The following SERPINI1 variants were observed in gnomAD, a reference collection of about 807,000 sequenced individuals.
SERPINI1 encodes the protein serpin family I member 1, also known as neuroserpin.
Under a neutral mutation model 41.1 loss-of-function variants are expected in SERPINI1, and 19 were observed. That is an observed-to-expected ratio of 0.46 (90% CI 0.32 to 0.68). The LOEUF (loss-of-function observed/expected upper bound fraction) is 0.68, where lower values mean the gene tolerates loss of function less well. Ranked by LOEUF, SERPINI1 falls within the 30% of genes least tolerant of loss-of-function variation. SERPINI1 has a pLI of 0.03. For missense variants in SERPINI1, 460 were observed against 479.2 expected, an observed-to-expected ratio of 0.96 and a Z score of 0.37; for synonymous variants, 138 against 156.6, an observed-to-expected ratio of 0.88 and a Z score of 0.89.
intron 6 of SERPINI1, among the ~76,000 whole-genome samples, chr3:167,821,452 G>C (rs114521789): frequency 1.3e-5 from 2 of 152,190 alleles, no homozygotes; most frequent in Non-Finnish European, 2.9e-5. Flanking sequence ...TCCAGCTGCA[G>C]CCTAGCAGTG....
At chr3:167,744,110 A>C (rs1326915621) in intron 1 of SERPINI1, among the ~76,000 whole-genome samples, 1 of 152,102 alleles carries the variant, frequency 6.6e-6, no homozygotes, top group Non-Finnish European at 1.5e-5. Flanking sequence ...CTGGTTAAGA[A>C]TGTCAGCTCT....
intron 1 of SERPINI1, among the ~76,000 whole-genome samples, chr3:167,777,950 C>T (rs1450458994): frequency 6.6e-6 from 1 of 152,158 alleles, no homozygotes; most frequent in African/African-American, 2.4e-5. Context: ...CCTCCTTTTC[C>T]TCTCCATACT....
Position 167,812,130 on chromosome 3 carries a change from C to T in SERPINI1, c.979+4789C>T, listed in dbSNP as rs148393097. Reference sequence around the variant, plus strand: ...CCACTCTTATTTGAGACTCTCATTACTGCTGTTGTAGACTATTTCAATAGC... The same window carrying T: ...CCACTCTTATTTGAGACTCTCATTATTGCTGTTGTAGACTATTTCAATAGC... On this transcript the variant is annotated intron_variant, in intron 6 of 8. Transcript: ENST00000446050. 1.4e-3 allele frequency among the ~76,000 whole-genome samples: 217 copies of T among 152,294 alleles called. 1 individual carries two copies. The highest frequency in any genetic ancestry group is 5.1e-3 in the African/African-American group (213 of 41,558).
At chr3:167,790,793 G>A (rs1727479944) in intron 3 of SERPINI1, among the ~76,000 whole-genome samples, 191 bp downstream of exon 3, 1 of 152,180 alleles carries the variant, frequency 6.6e-6, no homozygotes, top group African/African-American at 2.4e-5. Context: ...TGAGAAAGAA[G>A]TTAAATCTTT....
chr3:167,747,292 A>G (rs1163073995), intron 1 of SERPINI1, among the ~76,000 whole-genome samples: 2 of 152,166 alleles, frequency 1.3e-5, no homozygotes, highest in African/African-American at 4.8e-5. Context: ...TTCTGGGGTG[A>G]TGAAATGGTC....
chr3:167,767,438 C>G (rs1389325272), intron 1 of SERPINI1, among the ~76,000 whole-genome samples: 2 of 152,174 alleles, frequency 1.3e-5, no homozygotes, highest in Non-Finnish European at 2.9e-5. Flanking sequence ...TTCATGCCTA[C>G]TAACCTGGAA....
At chr3:167,783,372 G>A (rs771032146) in intron 1 of SERPINI1, among the ~76,000 whole-genome samples, 3 of 152,108 alleles carry the variant, frequency 2.0e-5, no homozygotes, top group Admixed American at 6.5e-5. Flanking sequence ...ATAAGATAAG[G>A]AGTCCTGTTT....
At chr3:167,740,114 C>G (rs749863414) in intron 1 of SERPINI1, among the ~76,000 whole-genome samples, 2 of 150,970 alleles carry the variant, frequency 1.3e-5, no homozygotes, top group Non-Finnish European at 2.9e-5. Flanking sequence ...TTCACTGTAA[C>G]CTTGAACTCC....
At chr3:167,747,192 A>G (rs541459928) in intron 1 of SERPINI1, among the ~76,000 whole-genome samples, 1 of 152,336 alleles carries the variant, frequency 6.6e-6, no homozygotes, top group East Asian at 1.9e-4. Flanking sequence ...TGAAATATCT[A>G]GAATAGGCAA....
At chr3:167,753,568 G>A (rs1214976500) in intron 1 of SERPINI1, among the ~76,000 whole-genome samples, 1 of 152,094 alleles carries the variant, frequency 6.6e-6, no homozygotes, top group Non-Finnish European at 1.5e-5. Flanking sequence ...ATGAAGATTG[G>A]GGGTGGGGAG....
intron 6 of SERPINI1, among the ~76,000 whole-genome samples, chr3:167,808,134 T>TAATAAATA (rs60263204): frequency 0.011 from 1,638 of 146,904 alleles, 17 homozygotes; most frequent in African/African-American, 0.031. Flanking sequence ...ATAGTAATGA[T>TAATAAATA]AATAAATAAA....
chr3:167,752,109 C>T (rs552633487), intron 1 of SERPINI1, among the ~76,000 whole-genome samples: 1 of 152,146 alleles, frequency 6.6e-6, no homozygotes, highest in South Asian at 2.1e-4. Context: ...GTCATTTTCT[C>T]TCTTCATCCT....
At chr3:167,744,877 A>G (rs1009424348) in intron 1 of SERPINI1, among the ~76,000 whole-genome samples, 16 of 137,220 alleles carry the variant, frequency 1.2e-4, no homozygotes, top group Non-Finnish European at 2.0e-4. Context: ...AAATATATAT[A>G]TATCAACTGA....
chr3:167,790,992 G>A (rs959919399), intron 3 of SERPINI1, among the ~76,000 whole-genome samples: 7 of 152,002 alleles, frequency 4.6e-5, no homozygotes, highest in East Asian at 1.9e-4. Flanking sequence ...AAAAATCAGA[G>A]TTTATACAGG....
At chr3:167,740,096 G>C (rs985348364) in intron 1 of SERPINI1, among the ~76,000 whole-genome samples, 4 of 148,340 alleles carry the variant, frequency 2.7e-5, no homozygotes, top group Non-Finnish European at 5.9e-5. Context: ...GCAGTGACCT[G>C]ATCATAGTTC....
chr3:167,740,498 A>G (rs774126181), intron 1 of SERPINI1, among the ~76,000 whole-genome samples: 2 of 152,248 alleles, frequency 1.3e-5, no homozygotes, highest in African/African-American at 2.4e-5. Flanking sequence ...AGTAGTAACA[A>G]TTTGGATAAC....
intron 1 of SERPINI1, among the ~76,000 whole-genome samples, chr3:167,754,538 G>A (rs963570611): frequency 1.3e-5 from 2 of 152,096 alleles, no homozygotes; most frequent in Non-Finnish European, 2.9e-5. Flanking sequence ...TGTCAACAAA[G>A]AATAACATTA....
At chr3:167,792,496 A>T in intron 3 of SERPINI1, 94 bp from the exon 4 acceptor site, 1 of 996,742 alleles carries the variant, frequency 1.0e-6, no homozygotes, top group Non-Finnish European at 1.5e-6. Flanking sequence ...GTTTCTCTGG[A>T]CCACTCTATC....
intron 6 of SERPINI1, among the ~76,000 whole-genome samples, chr3:167,817,789 C>CG (rs1712159705): frequency 6.6e-6 from 1 of 151,234 alleles, no homozygotes; most frequent in Non-Finnish European, 1.5e-5. Context: ...TTAGTAGAGA[C>CG]GGGGTTTCAC....
Sources: allele counts gnomAD v4.1 joint callset (sites outside exome capture counted in the v4.1 genomes callset), GRCh38; gene constraint gnomAD v4.1.1; transcripts MANE v1.5; gene names NCBI Gene and HGNC (gene_info 2026-07-23, HGNC 2026-07-21).